The following GALNT17 variants were observed in gnomAD, a reference collection of about 807,000 sequenced individuals.
GALNT17 encodes the protein UDP-GalNAc:polypeptide N-acetylgalactosaminyltransferase-like 3.
GALNT17 carries 29 observed loss-of-function variants against 63.7 expected under a neutral mutation model. The observed-to-expected ratio is 0.46, with a 90% CI of 0.34 to 0.62. The LOEUF is 0.62. Ranked by LOEUF, GALNT17 falls within the 20% of genes least tolerant of loss-of-function variation. The probability of loss-of-function intolerance (pLI) is 0.01; values close to 1 mark genes in which losing one functional copy is unlikely to be tolerated. For missense variants in GALNT17, 603 were observed against 799.6 expected, an observed-to-expected ratio of 0.75 and a Z score of 2.97; for synonymous variants, 305 against 318.3, an observed-to-expected ratio of 0.96 and a Z score of 0.45.
intron 3 of GALNT17, among the ~76,000 whole-genome samples, chr7:71,406,107 G>A (rs1026217794): frequency 6.6e-6 from 1 of 152,198 alleles, no homozygotes; most frequent in Non-Finnish European, 1.5e-5. Context: ...TAATTTGGCT[G>A]ACTAGTGTTC....
intron 1 of GALNT17, among the ~76,000 whole-genome samples, chr7:71,151,148 C>T (rs2116214610): frequency 6.6e-6 from 1 of 152,262 alleles, no homozygotes; most frequent in South Asian, 2.1e-4. Flanking sequence ...TGGACTAATT[C>T]AGTTAGGTAA....
chr7:71,439,867 T>C (rs1207282282), intron 5 of GALNT17, among the ~76,000 whole-genome samples: 1 of 151,748 alleles, frequency 6.6e-6, no homozygotes, highest in Non-Finnish European at 1.5e-5. Flanking sequence ...TGGAAAGGGG[T>C]AGGCTCCAGC....
intron 2 of GALNT17, among the ~76,000 whole-genome samples, chr7:71,373,112 A>G (rs1197685180): frequency 6.6e-6 from 1 of 152,200 alleles, no homozygotes; most frequent in Non-Finnish European, 1.5e-5. Flanking sequence ...AACTCAGTGA[A>G]AGGTCAGCGC....
At chr7:71,454,329 T>G (rs185099252) in intron 5 of GALNT17, among the ~76,000 whole-genome samples, 1 of 152,308 alleles carries the variant, frequency 6.6e-6, no homozygotes, top group East Asian at 1.9e-4. Context: ...TGGTATTTGG[T>G]TTTCTGTTCC....
At position 71,421,083 on chromosome 7, in the gene GALNT17, G is replaced by A. The variant is rs555884344; in HGVS notation, c.940G>A (p.Gly314Arg). The A allele has an allele frequency of 1.9e-5, 30 of 1,614,038 alleles. No homozygotes were observed. The Middle Eastern group carries it at 4.9e-4, about 27-fold the overall frequency. The part of the protein sequence containing the change: ...ISPPKDWWDA[G>R]DPSLPIRTPA... ...CCCCCCAAAAGACTGGTGGGACGCC[G>A]GAGACCCTTCTCTCCCCATCAGGTC... Residue 314 changes from glycine to arginine, a missense_variant, in exon 5 of 11, where the codon GGA becomes AGA. This residue lies in a region of GALNT17 where 336 missense variants were observed against 507.8 expected (regional missense o/e 0.66). Transcript: ENST00000333538.
intron 6 of GALNT17, among the ~76,000 whole-genome samples, chr7:71,645,721 C>A (rs930427834): frequency 2.6e-5 from 4 of 152,140 alleles, no homozygotes; most frequent in Non-Finnish European, 5.9e-5. Flanking sequence ...TGTATAAGTA[C>A]CTCCTCCACT....
intron 9 of GALNT17, among the ~76,000 whole-genome samples, chr7:71,687,118 T>G (rs1406587372): frequency 6.6e-6 from 1 of 152,166 alleles, no homozygotes; most frequent in Non-Finnish European, 1.5e-5. Flanking sequence ...ATTAGCGACG[T>G]CTCCTCTGTG....
chr7:71,646,447 A>C (rs977608503), intron 6 of GALNT17, among the ~76,000 whole-genome samples: 3 of 152,294 alleles, frequency 2.0e-5, no homozygotes, highest in Non-Finnish European at 2.9e-5. Context: ...GCGTGTTTCT[A>C]TCTCATGAGT....
At chr7:71,573,826 C>G (rs1303474587) in intron 6 of GALNT17, among the ~76,000 whole-genome samples, 2 of 152,184 alleles carry the variant, frequency 1.3e-5, no homozygotes, top group Non-Finnish European at 2.9e-5. Context: ...TCACCCTCCT[C>G]CCACCCTCTG....
chr7:71,425,866 T>C (rs1786750197), intron 5 of GALNT17, among the ~76,000 whole-genome samples: 2 of 152,154 alleles, frequency 1.3e-5, no homozygotes, highest in Admixed American at 6.5e-5. Flanking sequence ...TGGCTTAGGA[T>C]TCAGCAGGCT....
At chr7:71,266,522 T>G (rs995473735) in intron 1 of GALNT17, among the ~76,000 whole-genome samples, 1 of 152,216 alleles carries the variant, frequency 6.6e-6, no homozygotes, top group East Asian at 1.9e-4. Flanking sequence ...CAGTCATGCT[T>G]TCTGTTAAGC....
At chr7:71,593,727 T>G (rs1416912546) in intron 6 of GALNT17, among the ~76,000 whole-genome samples, 1 of 152,220 alleles carries the variant, frequency 6.6e-6, no homozygotes, top group Non-Finnish European at 1.5e-5. Context: ...CCTTCCCTTT[T>G]GAAAATCTAA....
chr7:71,408,490 G>A (rs1793369063), intron 3 of GALNT17, among the ~76,000 whole-genome samples: 1 of 152,128 alleles, frequency 6.6e-6, no homozygotes, highest in Non-Finnish European at 1.5e-5. Context: ...GAAAGCAGAA[G>A]GCAGGACCAT....
intron 9 of GALNT17, among the ~76,000 whole-genome samples, chr7:71,679,924 T>C (rs1332761980): frequency 6.8e-5 from 1 of 14,658 alleles, no homozygotes; most frequent in African/African-American, 3.3e-4. Flanking sequence ...TTCTCTCCCT[T>C]CCTCCTCCCT....
Position 71,558,069 on chromosome 7 carries a change from G to A in GALNT17, c.963-13216G>A, listed in dbSNP as rs189291494. Among the ~76,000 whole-genome samples, 244 of 152,240 alleles carry A rather than the reference G, an allele frequency of 1.6e-3. 2 individuals carry two copies. In the South Asian group the frequency reaches 0.035, roughly 22 times the overall value. ...AGCCTGGGCCACAGAGCGAGACTCT[G>A]TCTCAAAAACAAAACAAAACAAAAA... On this transcript the variant is annotated intron_variant, in intron 5 of 10. Transcript: ENST00000333538.
At chr7:71,526,836 C>A (rs577323207) in intron 5 of GALNT17, among the ~76,000 whole-genome samples, 1 of 152,244 alleles carries the variant, frequency 6.6e-6, no homozygotes, top group Admixed American at 6.5e-5. Context: ...TTTAAATCCC[C>A]TCCCTGACTG....
chr7:71,545,706 A>G (rs1221516067), intron 5 of GALNT17, among the ~76,000 whole-genome samples: 1 of 152,080 alleles, frequency 6.6e-6, no homozygotes, highest in Non-Finnish European at 1.5e-5. Context: ...TAATGGTTCT[A>G]TTATGTCAAG....
intron 1 of GALNT17, among the ~76,000 whole-genome samples, chr7:71,161,523 T>C (rs1449210848): frequency 1.3e-5 from 2 of 152,216 alleles, no homozygotes; most frequent in South Asian, 2.1e-4. Context: ...TCAGTGTTGA[T>C]CAATTTTTTG....
chr7:71,488,141 C>A lies in GALNT17; in HGVS notation c.962+67036C>A, dbSNP rs1332961312. Among the ~76,000 whole-genome samples the A allele has an allele frequency of 7.4e-5, 11 of 148,708 alleles. No individual in the cohort carries two copies. In the Admixed American group the frequency reaches 7.5e-4, roughly 10 times the overall value. On this transcript the variant is annotated intron_variant, in intron 5 of 10. Transcript: ENST00000333538. ...TATGATTTTGTCACTACACTCCAGC[C>A]TGGGCAACAGAGCAAGACCCTATCT... is the stretch of plus-strand genomic sequence containing the variant.
Sources: gnomAD v4.1 joint callset for allele counts (sites outside exome capture counted in the v4.1 genomes callset) on GRCh38, gnomAD v4.1.1 for gene constraint, gnomAD v4.1.1 regional missense constraint, MANE v1.5 for transcripts, NCBI Gene and HGNC (gene_info 2026-07-23, HGNC 2026-07-21) for gene names.